Variants in ZNF532 observed in about 807,000 individuals in gnomAD.
ZNF532 encodes zinc finger protein 532.
ZNF532 carries 22 observed loss-of-function variants against 89.3 expected under a neutral mutation model. The observed-to-expected ratio is 0.25, with a 90% CI of 0.18 to 0.35. The LOEUF (loss-of-function observed/expected upper bound fraction) is 0.35, where lower values mean the gene tolerates loss of function less well. Ranked by LOEUF, ZNF532 falls within the 10% of genes least tolerant of loss-of-function variation. The probability of loss-of-function intolerance (pLI) is 1.00; values close to 1 mark genes in which losing one functional copy is unlikely to be tolerated. For missense variants in ZNF532, 1,132 were observed against 1,643.4 expected (o/e 0.69, Z 5.38); for synonymous variants, 606 against 649.6 (o/e 0.93, Z 1.02).
At chr18:58,945,247 C>G (rs2063550616) in intron 5 of ZNF532, among the ~76,000 whole-genome samples, 1 of 152,212 alleles carries the variant, frequency 6.6e-6, no homozygotes, top group Non-Finnish European at 1.5e-5. Context: ...TCTGTCACTG[C>G]ACTGTCATTG....
chr18:58,904,530 A>G (rs2059804117), intron 2 of ZNF532, among the ~76,000 whole-genome samples: 1 of 152,130 alleles, frequency 6.6e-6, no homozygotes, highest in Non-Finnish European at 1.5e-5. Flanking sequence ...TTGTGGAAGG[A>G]AAGGCTGGCA....
intron 2 of ZNF532, among the ~76,000 whole-genome samples, chr18:58,884,425 T>G (rs955511279): frequency 2.6e-5 from 4 of 152,212 alleles, no homozygotes; most frequent in African/African-American, 4.8e-5. Context: ...AAGCAGCGAC[T>G]ATTGCTGATA....
At chr18:58,945,770 C>T (rs1269910278) in intron 5 of ZNF532, among the ~76,000 whole-genome samples, 2 of 151,698 alleles carry the variant, frequency 1.3e-5, no homozygotes, top group African/African-American at 4.8e-5. Context: ...CCTCTGTCAC[C>T]AGGCTAGAGT....
chr18:58,887,412 C>T (rs573774414), intron 2 of ZNF532, among the ~76,000 whole-genome samples: 25 of 152,340 alleles, frequency 1.6e-4, no homozygotes, highest in Non-Finnish European at 2.6e-4. Flanking sequence ...AGAACCTTCA[C>T]GCTCACAGCA....
At chr18:58,923,142 C>T in intron 3 of ZNF532, among the ~76,000 whole-genome samples, 1 of 152,056 alleles carries the variant, frequency 6.6e-6, no homozygotes, top group East Asian at 1.9e-4. Context: ...AAACACTCAC[C>T]TCCTGATCTG....
intron 7 of ZNF532, among the ~76,000 whole-genome samples, chr18:58,954,703 AT>A (rs1192344158): frequency 2.2e-5 from 3 of 138,140 alleles, no homozygotes; most frequent in Non-Finnish European, 4.6e-5. Flanking sequence ...CCAACATGGA[AT>A]TTGCTACTTT....
intron 2 of ZNF532, among the ~76,000 whole-genome samples, chr18:58,873,884 G>T (rs1390196233): frequency 1.3e-5 from 2 of 152,208 alleles, no homozygotes; most frequent in African/African-American, 2.4e-5. Flanking sequence ...GCCTGTCAGT[G>T]ATGTAAACCT....
intron 3 of ZNF532, chr18:58,926,061 T>G (rs1186305988): frequency 6.6e-6 from 1 of 152,246 alleles, no homozygotes; most frequent in Non-Finnish European, 1.5e-5. Flanking sequence ...TTTTCACTCA[T>G]CTAGTTCTTT....
chr18:58,926,715 G>A (rs1230527709), intron 3 of ZNF532, among the ~76,000 whole-genome samples: 5 of 151,994 alleles, frequency 3.3e-5, no homozygotes, highest in Admixed American at 3.3e-4. Flanking sequence ...AATCATAAGT[G>A]GTATATATTT....
intron 2 of ZNF532, among the ~76,000 whole-genome samples, chr18:58,893,916 A>C (rs1023243728): frequency 6.6e-6 from 1 of 152,106 alleles, no homozygotes. Context: ...CCTGAATCTC[A>C]CTGGGCTCAT....
chr18:58,978,225 C>T (rs1303923751), intron 7 of ZNF532, among the ~76,000 whole-genome samples: 3 of 152,074 alleles, frequency 2.0e-5, no homozygotes, highest in Admixed American at 1.3e-4. Flanking sequence ...CAGGCAGCCT[C>T]CTTAAAGTTG....
intron 3 of ZNF532, among the ~76,000 whole-genome samples, chr18:58,932,054 C>T (rs2062009263): frequency 6.6e-6 from 1 of 152,200 alleles, no homozygotes; most frequent in Admixed American, 6.5e-5. Context: ...GATATGCATG[C>T]ATCTACAGAA....
rs778164332 is a variant in ZNF532, at chr18:58,920,199, C to T, written c.1912C>T (p.Arg638Trp). 3 of 1,613,628 alleles carry T rather than the reference C, an allele frequency of 1.9e-6. No individual in the cohort carries two copies. The highest frequency in any genetic ancestry group is 1.7e-5 in the Admixed American group (1 of 60,016). The change falls in exon 3 of 10, where the codon CGG becomes TGG. Residue 638 changes from arginine (R) to tryptophan (W), a missense_variant. By Grantham distance (101) the Arg-to-Trp change is moderately radical. Around this residue, in one of 9 missense-constraint regions of ZNF532, gnomAD observed 70 missense variants for 152.1 expected, o/e 0.46. Coordinates refer to ENST00000591808, the MANE Select transcript of ZNF532 (RefSeq NM_001375912.1). ...GAGTCTGACCCAGCACTACGACAGA[C>T]GGAGCGTGCGCATCGAAGTAACGTG... is the stretch of plus-strand genomic sequence containing the variant. ...EKSLTQHYDRRSVRIEVTCNH... is the reference protein window; with the variant it reads ...EKSLTQHYDRWSVRIEVTCNH...
At chr18:58,983,920 C>A in intron 9 of ZNF532, 52 bp from the exon 10 acceptor site, 1 of 1,551,562 alleles carries the variant, frequency 6.4e-7, no homozygotes, top group Non-Finnish European at 8.7e-7. Flanking sequence ...CATTTATCAA[C>A]CACCGTGAAG....
intron 3 of ZNF532, among the ~76,000 whole-genome samples, chr18:58,928,232 C>T (rs2061682939): frequency 6.6e-6 from 1 of 152,178 alleles, no homozygotes; most frequent in East Asian, 1.9e-4. Context: ...ACCACCTCCC[C>T]TTACGCATGC....
intron 2 of ZNF532, among the ~76,000 whole-genome samples, chr18:58,902,814 G>T (rs753069877): frequency 6.6e-5 from 10 of 152,024 alleles, no homozygotes; most frequent in Non-Finnish European, 1.5e-4. Context: ...TCTAGTGGCC[G>T]ATACCTAGAG....
rs553767455 is a variant in ZNF532, at chr18:58,899,672, T to C, written c.-17-18599T>C. 2.6e-5 allele frequency among the ~76,000 whole-genome samples: 4 copies of C among 152,314 alleles called. No individual in the cohort carries two copies. The South Asian group carries it at 8.3e-4, about 32-fold the overall frequency. ...TTAGTAGAGACAGGGTTCCACCATGTTGACCAGGGTGGTCTCAATCTCTCG... is the reference window on the plus strand; with the variant it reads ...TTAGTAGAGACAGGGTTCCACCATGCTGACCAGGGTGGTCTCAATCTCTCG... On this transcript the variant is annotated intron_variant, in intron 2 of 9. Transcript: ENST00000591808.
At chr18:58,950,802 T>G (rs2064084695) in intron 6 of ZNF532, among the ~76,000 whole-genome samples, 1 of 152,182 alleles carries the variant, frequency 6.6e-6, no homozygotes, top group South Asian at 2.1e-4. Flanking sequence ...TTTCTTTATT[T>G]AAAAATGACA....
rs1340199889 is a variant in ZNF532 at position 58,975,495 on chromosome 18, C to T, written c.3151-3560C>T. On this transcript the variant is annotated intron_variant, in intron 7 of 9. Coordinates refer to ENST00000591808, the MANE Select transcript of ZNF532 (RefSeq NM_001375912.1). Reference sequence around the variant, plus strand: ...GGGAAGTTTCTGATTGTGAGGGAAGCCCCGTGGCAAACCGAGACACGTCCA... The same window carrying T: ...GGGAAGTTTCTGATTGTGAGGGAAGTCCCGTGGCAAACCGAGACACGTCCA... Among the ~76,000 whole-genome samples the T allele has an allele frequency of 2.0e-5, 3 of 152,212 alleles. No homozygotes were observed. The South Asian group carries it at 6.2e-4, about 32-fold the overall frequency.
Sources: allele counts gnomAD v4.1 joint callset (sites outside exome capture counted in the v4.1 genomes callset), GRCh38; gene constraint gnomAD v4.1.1; regional missense constraint gnomAD v4.1.1; transcripts MANE v1.5; gene names NCBI Gene and HGNC (gene_info 2026-07-23, HGNC 2026-07-21).